The following SUCLG2 variants were observed in gnomAD, a reference collection of about 807,000 sequenced individuals.
The protein encoded by SUCLG2 is succinate-CoA ligase GDP-forming subunit beta, also known as succinate--CoA ligase [GDP-forming] subunit beta, mitochondrial.
In SUCLG2, 42 loss-of-function variants were observed where a neutral mutation model predicts 47.9. The observed-to-expected ratio is 0.88, with a 90% CI of 0.69 to 1.14. The LOEUF is 1.14. Among genes scored for constraint, SUCLG2 ranks in the 50% most tolerant of loss-of-function variants. The pLI, the probability that SUCLG2 is intolerant of heterozygous loss-of-function variation, is 0.00. For missense variants in SUCLG2, 571 were observed against 525.9 expected, an observed-to-expected ratio of 1.09 and a Z score of -0.84; for synonymous variants, 195 against 197.3, an observed-to-expected ratio of 0.99 and a Z score of 0.10.
At chr3:67,381,127 T>G (rs550132946) in intron 10 of SUCLG2, among the ~76,000 whole-genome samples, 20 of 152,060 alleles carry the variant, frequency 1.3e-4, no homozygotes, top group African/African-American at 4.8e-4. Flanking sequence ...CAGTGAGCTG[T>G]GATTGCACCA....
At chr3:67,555,762 T>C (rs1707144481) in intron 2 of SUCLG2, among the ~76,000 whole-genome samples, 1 of 152,128 alleles carries the variant, frequency 6.6e-6, no homozygotes, top group Admixed American at 6.5e-5. Flanking sequence ...ATGATGGAAA[T>C]GAGAATACCA....
chr3:67,497,284 A>T (rs1426954990), intron 8 of SUCLG2, among the ~76,000 whole-genome samples: 2 of 152,186 alleles, frequency 1.3e-5, no homozygotes, highest in Non-Finnish European at 2.9e-5. Flanking sequence ...TGAGCTACAA[A>T]TCATTTTTAT....
At chr3:67,404,335 GGAGAGA>G in intron 9 of SUCLG2, among the ~76,000 whole-genome samples, 1 of 149,342 alleles carries the variant, frequency 6.7e-6, no homozygotes. Flanking sequence ...AGAGAGCATG[GGAGAGA>G]GAGAGAGAGA....
At chr3:67,435,009 A>C (rs1019859384) in intron 9 of SUCLG2, among the ~76,000 whole-genome samples, 7 of 152,222 alleles carry the variant, frequency 4.6e-5, no homozygotes, top group African/African-American at 1.7e-4. Flanking sequence ...TTCTAAATGA[A>C]GTACAAAAGA....
At chr3:67,580,048 C>T (rs978406786) in intron 2 of SUCLG2, among the ~76,000 whole-genome samples, 17 of 152,038 alleles carry the variant, frequency 1.1e-4, no homozygotes, top group African/African-American at 4.1e-4. Context: ...TATACTGTAG[C>T]AAATCTCAAT....
intron 9 of SUCLG2, among the ~76,000 whole-genome samples, chr3:67,467,775 T>C (rs187120498): frequency 5.4e-4 from 82 of 152,206 alleles, no homozygotes; most frequent in African/African-American, 1.8e-3. Context: ...GTTGTTTCTA[T>C]TAATATACCC....
At chr3:67,361,668 T>C (rs963196666) in intron 10 of SUCLG2, among the ~76,000 whole-genome samples, 3 of 152,222 alleles carry the variant, frequency 2.0e-5, no homozygotes, top group African/African-American at 4.8e-5. Flanking sequence ...TAGATTGCAT[T>C]AACGGCCCAA....
chr3:67,575,165 T>C (rs1201197963), intron 2 of SUCLG2, among the ~76,000 whole-genome samples: 1 of 152,212 alleles, frequency 6.6e-6, no homozygotes, highest in African/African-American at 2.4e-5. Flanking sequence ...AAGTTAACCA[T>C]AGAGCTAATA....
chr3:67,654,529 G>C lies in SUCLG2; in HGVS notation c.58C>G (p.Pro20Ala). 8.0e-7 allele frequency: 1 copy of C among 1,255,002 alleles called. No individual in the cohort carries two copies. The highest frequency in any genetic ancestry group is 1.0e-6 in the Non-Finnish European group (1 of 998,008). 77.7% of individuals were successfully genotyped at this position (1,255,002 alleles called of 1,614,324 possible). A position where few individuals can be genotyped will look rare whatever the true frequency, so the allele number is the denominator to read the frequency against. ...GKLLRALALRPRFLAAGSQAV... is the reference protein window; with the variant it reads ...GKLLRALALRARFLAAGSQAV... Reference sequence around the variant, plus strand: ...TGGGACCCGGCCGCCAGGAAGCGGGGCCGCAGCGCTAGGGCTCGCAGAAGC... The same window carrying C: ...TGGGACCCGGCCGCCAGGAAGCGGGCCCGCAGCGCTAGGGCTCGCAGAAGC... Residue 20 changes from proline to alanine, a missense_variant, in exon 1 of 11, where the codon CCC (proline) becomes GCC (alanine). Transcript: ENST00000307227.
At chr3:67,593,718 C>A (rs1708228201) in intron 2 of SUCLG2, among the ~76,000 whole-genome samples, 1 of 152,208 alleles carries the variant, frequency 6.6e-6, no homozygotes. Flanking sequence ...AGCTTTAGCA[C>A]TGAAAGTCCC....
At chr3:67,640,121 A>C (rs769439153) in intron 1 of SUCLG2, among the ~76,000 whole-genome samples, 22 of 152,198 alleles carry the variant, frequency 1.4e-4, no homozygotes, top group Non-Finnish European at 2.9e-4. Flanking sequence ...CAAAACTGAA[A>C]ATTTCTCCGT....
chr3:67,601,184 TTC>T (rs2107297327), intron 2 of SUCLG2, among the ~76,000 whole-genome samples: 1 of 152,318 alleles, frequency 6.6e-6, no homozygotes, highest in South Asian at 2.1e-4. Context: ...AACAAGCTCA[TTC>T]TCTCTCAATG....
chr3:67,483,186 A>G (rs1704961892), intron 9 of SUCLG2, among the ~76,000 whole-genome samples: 2 of 152,126 alleles, frequency 1.3e-5, no homozygotes, highest in Admixed American at 6.6e-5. Flanking sequence ...GAGAGTTGCC[A>G]CCCAAATTAG....
At chr3:67,619,026 C>T (rs553284671) in intron 1 of SUCLG2, among the ~76,000 whole-genome samples, 1 of 152,272 alleles carries the variant, frequency 6.6e-6, no homozygotes, top group Admixed American at 6.5e-5. Context: ...GTAAAGCAAG[C>T]AGCATCAGTT....
intron 6 of SUCLG2, among the ~76,000 whole-genome samples, chr3:67,509,872 A>G (rs943836585): frequency 6.6e-6 from 1 of 152,218 alleles, no homozygotes; most frequent in Admixed American, 6.5e-5. Flanking sequence ...ATATCAGAGA[A>G]GGTGACTCTT....
intron 2 of SUCLG2, among the ~76,000 whole-genome samples, chr3:67,534,768 C>CA (rs60612549): frequency 0.14 from 4,932 of 34,928 alleles, 1,519 homozygotes; most frequent in Non-Finnish European, 0.19. Context: ...ACACTGATGG[C>CA]AAAAAAAAAA....
intron 7 of SUCLG2, among the ~76,000 whole-genome samples, chr3:67,500,570 G>A (rs747842547): frequency 2.6e-5 from 4 of 152,098 alleles, no homozygotes; most frequent in African/African-American, 7.2e-5. Context: ...ATTACCAAAC[G>A]AATTGGCCAA....
chr3:67,449,132 T>C lies in SUCLG2; in HGVS notation c.1062+46666A>G, dbSNP rs114955681. Among the ~76,000 whole-genome samples the C allele has an allele frequency of 1.8e-3, 272 of 152,336 alleles. 1 individual carries two copies. Among genetic ancestry groups the C allele is most frequent in the African/African-American group, 6.4e-3 (265 of 41,572 alleles). On this transcript the variant is annotated intron_variant, in intron 9 of 10. Transcript: ENST00000307227. ...GAAAAGGTGACTGTGACAGACAGATTAAAATCCAATCCACAGGCAGTCCCC... is the reference window on the plus strand; with the variant it reads ...GAAAAGGTGACTGTGACAGACAGATCAAAATCCAATCCACAGGCAGTCCCC...
intron 9 of SUCLG2, among the ~76,000 whole-genome samples, chr3:67,470,940 C>T (rs1383047446): frequency 1.3e-5 from 2 of 152,176 alleles, no homozygotes; most frequent in Admixed American, 6.5e-5. Context: ...ACAGCTGTTA[C>T]AGACCTGAAA....
Sources: gnomAD v4.1 joint callset for allele counts (sites outside exome capture counted in the v4.1 genomes callset) on GRCh38, gnomAD v4.1.1 for gene constraint, MANE v1.5 for transcripts, NCBI Gene and HGNC (gene_info 2026-07-23, HGNC 2026-07-21) for gene names.